FOCAD: variants seen among roughly 807,000 people sequenced by gnomAD.
FOCAD encodes the protein focadhesin, also known as KIAA1797.
FOCAD carries 198 observed loss-of-function variants against 225.6 expected under a neutral mutation model. That is an observed-to-expected ratio of 0.88 (90% CI 0.78 to 0.99). The LOEUF (loss-of-function observed/expected upper bound fraction) is 0.99. Among genes scored for constraint, FOCAD ranks in the 50% least tolerant of loss-of-function variants. The pLI is 0.00. For missense variants in FOCAD, 2,713 were observed against 2,123.6 expected, an observed-to-expected ratio of 1.28 and a Z score of -5.46; for synonymous variants, 897 against 755.0, an observed-to-expected ratio of 1.19 and a Z score of -3.08.
chr9:20,713,763 C>G (rs540317247), intron 1 of FOCAD, among the ~76,000 whole-genome samples: 1 of 152,168 alleles, frequency 6.6e-6, no homozygotes, highest in South Asian at 2.1e-4. Context: ...ATCTTTCTTT[C>G]ACCCATGGAG....
At chr9:20,791,195 T>C (rs186385529) in intron 11 of FOCAD, among the ~76,000 whole-genome samples, 1 of 149,742 alleles carries the variant, frequency 6.7e-6, no homozygotes, top group Non-Finnish European at 1.5e-5. Context: ...AGAAAACATA[T>C]ATTGCATCTA....
At chr9:20,950,857 ATTACATC>A in intron 33 of FOCAD, 132 bp from the exon 34 acceptor site, 1 of 682,436 alleles carries the variant, frequency 1.5e-6, no homozygotes, top group South Asian at 1.7e-5. Context: ...GACACATGAT[ATTACATC>A]TTGTCATAGG....
At chr9:20,771,196 A>T (rs1442877821) in intron 8 of FOCAD, among the ~76,000 whole-genome samples, 1 of 152,220 alleles carries the variant, frequency 6.6e-6, no homozygotes, top group Non-Finnish European at 1.5e-5. Context: ...ATTCAAAAAA[A>T]CAAGAGGATG....
chr9:20,957,100 A>G (rs1036733309), intron 35 of FOCAD, among the ~76,000 whole-genome samples: 5 of 152,196 alleles, frequency 3.3e-5, no homozygotes, highest in African/African-American at 9.7e-5. Context: ...TCTCGGCTCT[A>G]TCACCCAGGG....
intron 15 of FOCAD, among the ~76,000 whole-genome samples, chr9:20,859,096 TG>T (rs1168733663): frequency 6.6e-6 from 1 of 152,146 alleles, no homozygotes; most frequent in East Asian, 1.9e-4. Context: ...AAATGTTGGC[TG>T]GGCATGGTGG....
chr9:20,796,311 A>G (rs930385370), intron 11 of FOCAD, among the ~76,000 whole-genome samples: 112 of 152,266 alleles, frequency 7.4e-4, no homozygotes, highest in Non-Finnish European at 1.4e-3. Flanking sequence ...ATGATTTATA[A>G]ACCTTCGGGT....
intron 2 of FOCAD, among the ~76,000 whole-genome samples, chr9:20,678,619 A>G (rs1415739045): frequency 6.6e-6 from 1 of 152,226 alleles, no homozygotes; most frequent in Non-Finnish European, 1.5e-5. Context: ...ACTGCAGCAC[A>G]GGCTTCCCTT....
chr9:20,828,881 T>C (rs574534151), intron 15 of FOCAD, among the ~76,000 whole-genome samples: 50 of 152,280 alleles, frequency 3.3e-4, no homozygotes, highest in African/African-American at 1.1e-3. Flanking sequence ...ATTGAGAACA[T>C]GCGGTATTTG....
intron 39 of FOCAD, among the ~76,000 whole-genome samples, chr9:20,983,311 C>T (rs1460467782): frequency 6.6e-6 from 1 of 152,064 alleles, no homozygotes; most frequent in East Asian, 1.9e-4. Context: ...CGGTGGCTCA[C>T]GCCTGTAATC....
chr9:20,681,682 C>A (rs927856437), upstream of FOCAD, among the ~76,000 whole-genome samples: 1 of 152,200 alleles, frequency 6.6e-6, no homozygotes, highest in African/African-American at 2.4e-5. Flanking sequence ...ATACGTCTTT[C>A]ATCTTGGTAT....
chr9:20,786,880 A>T, intron 10 of FOCAD: 1 of 259,456 alleles, frequency 3.9e-6, no homozygotes, highest in Non-Finnish European at 7.8e-6. Context: ...CATAACATAA[A>T]CCTTTTATTT....
rs750420463 is a variant in FOCAD, at chr9:20,819,839, C to T, written c.1499C>T (p.Pro500Leu). 31 of 1,541,566 alleles carry T rather than the reference C, an allele frequency of 2.0e-5. No homozygotes were observed. The Middle Eastern group carries it at 1.2e-3, about 62-fold the overall frequency. ...GTTTTGATGTTCAAATTGGGAAGAC[C>T]ACTGGAACCTATATTATATAATGAT... The part of the protein sequence containing the change: ...IPVLMFKLGR[P>L]LEPILYNDIL... Residue 500 changes from proline to leucine, a missense_variant, in exon 12 of 44, where the codon CCA becomes CTA. By Grantham distance (98) the Pro-to-Leu change is moderately conservative. Coordinates refer to ENST00000338382, the MANE Select transcript of FOCAD (RefSeq NM_001375567.1).
chr9:20,907,595 TGC>T (rs951895836), intron 22 of FOCAD, among the ~76,000 whole-genome samples: 7 of 152,048 alleles, frequency 4.6e-5, no homozygotes, highest in Non-Finnish European at 8.8e-5. Flanking sequence ...AAGCTGGACT[TGC>T]TTACATCTCC....
chr9:20,762,344 A>C (rs1445484822), intron 6 of FOCAD, among the ~76,000 whole-genome samples: 1 of 152,184 alleles, frequency 6.6e-6, no homozygotes, highest in African/African-American at 2.4e-5. Flanking sequence ...ATAATTTTGA[A>C]GTGAAAAGTC....
At chr9:20,947,430 A>T (rs572165502) in intron 30 of FOCAD, among the ~76,000 whole-genome samples, 2 of 152,282 alleles carry the variant, frequency 1.3e-5, no homozygotes, top group South Asian at 2.1e-4. Context: ...TACTTACATG[A>T]GCTGCGTAGA....
Position 20,929,531 on chromosome 9 carries a change from C to T in FOCAD, c.3252C>T (p.Ala1084=), listed in dbSNP as rs759351352. The T allele has an allele frequency of 4.3e-6, 7 of 1,614,110 alleles. No individual in the cohort carries two copies. The highest frequency in any genetic ancestry group is 2.7e-5 in the African/African-American group (2 of 75,034). The change falls in exon 27 of 44, where the codon GCC becomes GCT. Residue 1084 remains alanine (A), a synonymous_variant. Coordinates refer to ENST00000338382, the MANE Select transcript of FOCAD (RefSeq NM_001375567.1). ...PGKPSADESQ[A]VQIHMGLALG... ...AACCAAGTGCTGATGAGTCTCAAGC[C>T]GTGCAAATCCACATGGGCCTTGCTT... is the stretch of plus-strand genomic sequence containing the variant.
At chr9:20,937,885 A>G (rs1263231313) in intron 28 of FOCAD, among the ~76,000 whole-genome samples, 1 of 152,230 alleles carries the variant, frequency 6.6e-6, no homozygotes, top group Non-Finnish European at 1.5e-5. Flanking sequence ...ATTCACAAGA[A>G]AAAAACAGAC....
chr9:20,763,843 A>T (rs898372230), intron 6 of FOCAD, among the ~76,000 whole-genome samples: 1 of 152,156 alleles, frequency 6.6e-6, no homozygotes, highest in Non-Finnish European at 1.5e-5. Context: ...TTTATTTTTG[A>T]TGATCATTCC....
rs200358055 is a variant in FOCAD, at chr9:20,939,733, ATTTAT to A, written c.3408-4885_3408-4881del. On this transcript the variant is annotated intron_variant, in intron 28 of 43. Coordinates refer to ENST00000338382, the MANE Select transcript of FOCAD (RefSeq NM_001375567.1). Reference sequence around the variant, plus strand: ...TTTGTTTTTATTTTTTATTTTTTAAATTTATTTTATTTTTTTTCTTTCTTTTTTTT... The same window carrying A: ...TTTGTTTTTATTTTTTATTTTTTAAATTTATTTTTTTTCTTTCTTTTTTTT... 7.8e-3 allele frequency among the ~76,000 whole-genome samples: 1,088 copies of A among 139,472 alleles called. 15 individuals are homozygous for A. Among genetic ancestry groups the A allele is most frequent in the African/African-American group, 0.025 (950 of 37,870 alleles). 91.5% of individuals were successfully genotyped at this position (139,472 alleles called of 152,430 possible). A position where few individuals can be genotyped will look rare whatever the true frequency, so the allele number is the denominator to read the frequency against.
Sources: gnomAD v4.1 joint callset for allele counts (sites outside exome capture counted in the v4.1 genomes callset) on GRCh38, gnomAD v4.1.1 for gene constraint, MANE v1.5 for transcripts, NCBI Gene and HGNC (gene_info 2026-07-23, HGNC 2026-07-21) for gene names.